The following RGS7 variants were observed in gnomAD, a reference collection of about 807,000 sequenced individuals.
RGS7 encodes the protein regulator of G protein signaling 7, also known as regulator of G-protein signaling 7.
A neutral mutation model predicts 81.1 loss-of-function variants in RGS7; 27 were observed. The observed-to-expected ratio is 0.33, with a 90% CI of 0.25 to 0.46. RGS7 has a LOEUF of 0.46. Ranked by LOEUF, RGS7 falls within the 20% of genes least tolerant of loss-of-function variation. The probability of loss-of-function intolerance (pLI) is 1.00; values close to 1 mark genes in which losing one functional copy is unlikely to be tolerated. For synonymous variants in RGS7, 208 were observed against 207.7 expected (o/e 1.00, Z -0.01); for missense variants, 396 against 607.4 (o/e 0.65, Z 3.66).
chr1:240,784,725 G>A (rs549981890), intron 18 of RGS7, among the ~76,000 whole-genome samples: 1 of 145,170 alleles, frequency 6.9e-6, no homozygotes, highest in African/African-American at 2.6e-5. Flanking sequence ...CTGCTTGTTT[G>A]TCTCCAGCCA....
intron 3 of RGS7, among the ~76,000 whole-genome samples, chr1:241,020,910 G>A (rs898329809): frequency 1.3e-5 from 2 of 152,106 alleles, no homozygotes; most frequent in African/African-American, 4.8e-5. Flanking sequence ...AAAGCAATTT[G>A]GGATCATTCC....
intron 9 of RGS7, among the ~76,000 whole-genome samples, chr1:240,841,927 C>A (rs1977842): frequency 0.67 from 101,709 of 151,902 alleles, 34,442 homozygotes; most frequent in Middle Eastern, 0.77. Flanking sequence ...TGATGACAAA[C>A]TAGTTAAGAT....
intron 3 of RGS7, among the ~76,000 whole-genome samples, chr1:241,071,927 T>C (rs2062494074): frequency 7.2e-6 from 1 of 138,326 alleles, no homozygotes; most frequent in Admixed American, 7.4e-5. Flanking sequence ...GAATATACTA[T>C]GTGATAGTTG....
intron 6 of RGS7, among the ~76,000 whole-genome samples, chr1:240,928,808 G>A (rs559266386): frequency 1.3e-5 from 2 of 151,774 alleles, no homozygotes; most frequent in South Asian, 2.1e-4. Context: ...ATGGGGTTTC[G>A]TCATGTTGGC....
chr1:240,800,500 C>G, intron 18 of RGS7, 141 bp downstream of exon 18: 1 of 422,942 alleles, frequency 2.4e-6, no homozygotes, highest in Non-Finnish European at 4.3e-6. Flanking sequence ...CCAGTTTGCT[C>G]ACATTTCAAC....
chr1:240,810,704 C>T (rs757822254), intron 14 of RGS7, among the ~76,000 whole-genome samples: 1 of 152,188 alleles, frequency 6.6e-6, no homozygotes, highest in Non-Finnish European at 1.5e-5. Flanking sequence ...CCTGCCTCGG[C>T]TCCCAAAGTG....
At chr1:240,802,790 G>A in intron 16 of RGS7, 114 bp downstream of exon 16, 1 of 786,694 alleles carries the variant, frequency 1.3e-6, no homozygotes, top group Non-Finnish European at 2.3e-6. Context: ...GGAGGGTCTT[G>A]GAGTATGTTC....
At chr1:240,797,684 G>C (rs1253493397) in intron 18 of RGS7, among the ~76,000 whole-genome samples, 1 of 152,118 alleles carries the variant, frequency 6.6e-6, no homozygotes, top group Non-Finnish European at 1.5e-5. Context: ...TGAAAAAGTG[G>C]TGTCAGATTT....
At chr1:240,805,375 AAAAATAAAAT>A (rs71784510) in intron 15 of RGS7, among the ~76,000 whole-genome samples, 6 of 150,434 alleles carry the variant, frequency 4.0e-5, no homozygotes, top group East Asian at 4.0e-4. Flanking sequence ...ACTTGTTTCC[AAAAATAAAAT>A]AAAATAAAAT....
In RGS7 at chr1:241,144,794, C is replaced by T. The variant is rs2068181514; in HGVS notation, c.79-46032G>A. Among the ~76,000 whole-genome samples, 1 of 152,156 alleles carries T rather than the reference C, an allele frequency of 6.6e-6. No individual in the cohort carries two copies. The highest frequency in any genetic ancestry group is 2.4e-5 in the African/African-American group (1 of 41,432). ...CCTGTTGGGCAAAGGAACCCTGGAA[C>T]TCGTTGAGGTTGCAGGAACATACAG... On this transcript the variant is annotated intron_variant, in intron 2 of 18. Coordinates refer to ENST00000440928, the MANE Select transcript of RGS7 (RefSeq NM_001364886.1). This position sits in a 1 kb window ranked among gnomAD's most constrained non-coding sequence, Gnocchi z 4.7.
intron 2 of RGS7, among the ~76,000 whole-genome samples, chr1:241,124,531 A>T (rs911440409): frequency 6.6e-6 from 1 of 152,220 alleles, no homozygotes; most frequent in African/African-American, 2.4e-5. Context: ...TAAGGCTGGG[A>T]TAGAGGGTTA....
chr1:241,214,603 C>T (rs2074441375), intron 2 of RGS7, among the ~76,000 whole-genome samples: 1 of 152,162 alleles, frequency 6.6e-6, no homozygotes, highest in African/African-American at 2.4e-5. Context: ...TCTTCATTTT[C>T]TCTCTTCTCT....
chr1:240,831,649 T>C (rs74382738), intron 9 of RGS7, among the ~76,000 whole-genome samples: 3 of 150,960 alleles, frequency 2.0e-5, no homozygotes, highest in Non-Finnish European at 4.4e-5. Flanking sequence ...TTTTTTTTTT[T>C]CCTGAGACGG....
chr1:240,970,298 C>G (rs529419184), intron 4 of RGS7, among the ~76,000 whole-genome samples: 1 of 152,306 alleles, frequency 6.6e-6, no homozygotes, highest in African/African-American at 2.4e-5. Flanking sequence ...ATACCCCCTA[C>G]TTTGGCAATG....
intron 2 of RGS7, among the ~76,000 whole-genome samples, chr1:241,103,196 C>T (rs77635310): frequency 0.096 from 14,514 of 151,946 alleles, 1,602 homozygotes; most frequent in African/African-American, 0.27. Context: ...TATATACTTA[C>T]ACACACGCAT....
At chr1:240,897,762 G>T (rs1293297611) in intron 6 of RGS7, among the ~76,000 whole-genome samples, 2 of 152,138 alleles carry the variant, frequency 1.3e-5, no homozygotes, top group Non-Finnish European at 2.9e-5. Flanking sequence ...TTGAGTTTCT[G>T]CCAGGCTTTG....
At chr1:241,090,990 C>T (rs1010209707) in intron 3 of RGS7, among the ~76,000 whole-genome samples, 3 of 152,126 alleles carry the variant, frequency 2.0e-5, no homozygotes, top group Non-Finnish European at 2.9e-5. Context: ...CGTGGGGTTA[C>T]CCATGAGGTG....
At chr1:241,079,395 T>A (rs1202692871) in intron 3 of RGS7, among the ~76,000 whole-genome samples, 1 of 152,130 alleles carries the variant, frequency 6.6e-6, no homozygotes, top group Non-Finnish European at 1.5e-5. Flanking sequence ...AAGCCGTTAT[T>A]AAGGATCATA....
intron 2 of RGS7, among the ~76,000 whole-genome samples, chr1:241,165,479 AG>A (rs2070120743): frequency 6.6e-6 from 1 of 152,082 alleles, no homozygotes; most frequent in African/African-American, 2.4e-5. Flanking sequence ...TGTCCTTTGT[AG>A]GGACATGGAT....
Sources: gnomAD v4.1 joint callset for allele counts (sites outside exome capture counted in the v4.1 genomes callset) on GRCh38, gnomAD v4.1.1 for gene constraint, Gnocchi (gnomAD v3.1) non-coding constraint, MANE v1.5 for transcripts, NCBI Gene and HGNC (gene_info 2026-07-23, HGNC 2026-07-21) for gene names.